Variants in PDCD11 observed in about 807,000 individuals in gnomAD.
The protein encoded by PDCD11 is programmed cell death 11.
PDCD11 carries 97 observed loss-of-function variants against 198.9 expected under a neutral mutation model. The observed-to-expected ratio is 0.49, with a 90% CI of 0.41 to 0.58. PDCD11 has a LOEUF of 0.58. Among genes scored for constraint, PDCD11 ranks in the 20% least tolerant of loss-of-function variants. The pLI is 0.00. For missense variants in PDCD11, 2,102 were observed against 2,312.7 expected, an observed-to-expected ratio of 0.91 and a Z score of 1.87; for synonymous variants, 893 against 918.0, an observed-to-expected ratio of 0.97 and a Z score of 0.49.
chr10:103,397,385 C>T (rs1312207647), intron 1 of PDCD11, among the ~76,000 whole-genome samples: 1 of 152,100 alleles, frequency 6.6e-6, no homozygotes, highest in Non-Finnish European at 1.5e-5. Flanking sequence ...TCTGACTTGC[C>T]AAAGCAAACT....
chr10:103,425,221 A>C lies in PDCD11; in HGVS notation c.3001A>C (p.Arg1001=). The C allele has an allele frequency of 6.2e-7, 1 of 1,614,190 alleles. No homozygotes were observed. The highest frequency in any genetic ancestry group is 1.1e-5 in the South Asian group (1 of 91,078). Residue 1001 remains arginine, a synonymous_variant, in exon 20 of 36, where the codon AGG becomes CGG. Transcript: ENST00000369797. Reference sequence around the variant, plus strand: ...GGCTGTGGAGGGGCCGGCTGCCAAGAGGACCATGAGGCCGACCCAGAAGGA... The same window carrying C: ...GGCTGTGGAGGGGCCGGCTGCCAAGCGGACCATGAGGCCGACCCAGAAGGA... ...LLAVEGPAAK[R]TMRPTQKDSE...
intron 25 of PDCD11, among the ~76,000 whole-genome samples, chr10:103,436,916 T>A (rs186899068): frequency 6.6e-6 from 1 of 152,298 alleles, no homozygotes; most frequent in Non-Finnish European, 1.5e-5. Flanking sequence ...AGATGAAATG[T>A]TTAGAGATGC....
At position 103,403,175 on chromosome 10, in the gene PDCD11, C is replaced by G. The variant is rs754344981; in HGVS notation, c.292C>G (p.Leu98Val). ...CGTGAAAGAGGTGAATGAACTGGAA[C>G]TGGTGATTAGTCTCCCCAATGGCCT... ...GCVKEVNELE[L>V]VISLPNGLQG... Residue 98 changes from leucine (L) to valine (V), a missense_variant, in exon 4 of 36, where the codon CTG becomes GTG. Coordinates refer to ENST00000369797, the MANE Select transcript of PDCD11 (RefSeq NM_014976.2). 1 of 1,613,988 alleles carries G rather than the reference C, an allele frequency of 6.2e-7. No homozygotes were observed. Among genetic ancestry groups the G allele is most frequent in the Non-Finnish European group, 8.5e-7 (1 of 1,179,958 alleles).
rs1592141834 is a variant in PDCD11 at position 103,440,400 on chromosome 10, G to A, written c.4259G>A (p.Arg1420Lys). Residue 1420 changes from arginine (R) to lysine (K), a missense_variant, in exon 29 of 36, where the codon AGG becomes AAG. Physicochemically the swap from Arg to Lys is conservative, Grantham distance 26. Transcript: ENST00000369797. ...GGGCAACTTACAAAGCAAGAGGAGA[G>A]GAAAACAGAGGCTGAGGAGAGAGAC... ...LEGQLTKQEE[R>K]KTEAEERDQK... 1 of 1,614,212 alleles carries A rather than the reference G, an allele frequency of 6.2e-7. No homozygotes were observed. Among genetic ancestry groups the A allele is most frequent in the Non-Finnish European group, 8.5e-7 (1 of 1,180,040 alleles).
intron 19 of PDCD11, among the ~76,000 whole-genome samples, chr10:103,423,898 G>T (rs2031569010): frequency 1.3e-5 from 2 of 152,200 alleles, no homozygotes; most frequent in Non-Finnish European, 2.9e-5. Flanking sequence ...GATAAATAGT[G>T]TGCAGGAGTG....
rs777498387 is a variant in PDCD11, at chr10:103,400,472, G to C, written c.178G>C (p.Glu60Gln). 1 of 1,613,892 alleles carries C rather than the reference G, an allele frequency of 6.2e-7. No homozygotes were observed. Among genetic ancestry groups the C allele is most frequent in the African/African-American group, 1.3e-5 (1 of 75,002 alleles). The change falls in exon 3 of 36, where the codon GAA (glutamate) becomes CAA (glutamine). Residue 60 changes from glutamate to glutamine, a missense_variant. Transcript: ENST00000369797. ...GPAKTKKLKI[E>Q]KRESSKSARE... ...AGCAAAAACAAAAAAGTTGAAAATC[G>C]AAAAGAGAGAAAGCAGCAAGTCCGC...
chr10:103,408,272 CTAG>C (rs2030582625), intron 7 of PDCD11, among the ~76,000 whole-genome samples: 1 of 151,944 alleles, frequency 6.6e-6, no homozygotes, highest in Admixed American at 6.6e-5. Context: ...AGCCGGTATC[CTAG>C]GACTTCCCTT....
At chr10:103,439,896 C>CT (rs750190174) in intron 28 of PDCD11, 28 bp downstream of exon 28, 1 of 1,611,496 alleles carries the variant, frequency 6.2e-7, no homozygotes, top group South Asian at 1.1e-5. Flanking sequence ...CTCTCTCTCT[C>CT]TGTAATGTGA....
chr10:103,427,100 C>A (rs1043060366), intron 20 of PDCD11, among the ~76,000 whole-genome samples: 1 of 150,336 alleles, frequency 6.7e-6, no homozygotes, highest in African/African-American at 2.5e-5. Flanking sequence ...CAGAGTGAGA[C>A]CTTGTCCCAG....
Position 103,440,317 on chromosome 10 carries a change from G to C in PDCD11, c.4176G>C (p.Glu1392Asp). Residue 1392 changes from glutamate to aspartate, a missense_variant, in exon 29 of 36, where the codon GAG becomes GAC. By Grantham distance (45) the Glu-to-Asp change is conservative. Coordinates refer to ENST00000369797, the MANE Select transcript of PDCD11 (RefSeq NM_014976.2). Reference protein sequence around the residue: ...LRLNHQKNLVELSFLPGDTGK... With the variant: ...LRLNHQKNLVDLSFLPGDTGK... ...TTAACCACCAGAAGAACCTGGTAGA[G>C]CTGTCTTTCCTCCCCGGAGACACTG... 6.2e-7 allele frequency: 1 copy of C among 1,614,032 alleles called. No homozygotes were observed. The highest frequency in any genetic ancestry group is 8.5e-7 in the Non-Finnish European group (1 of 1,179,962).
chr10:103,432,093 A>T (rs755991980), intron 21 of PDCD11, 36 bp from the exon 22 acceptor site: 2 of 1,491,188 alleles, frequency 1.3e-6, no homozygotes, highest in Non-Finnish European at 1.9e-6. Context: ...TTATCCAGAG[A>T]TGGGTTTACT....
Position 103,423,570 on chromosome 10 carries a change from A to G in PDCD11, c.2675A>G (p.Lys892Arg). 6.2e-7 allele frequency: 1 copy of G among 1,613,966 alleles called. No individual in the cohort carries two copies. The change falls in exon 19 of 36, where the codon AAG becomes AGG. Residue 892 changes from lysine (K) to arginine (R), a missense_variant. Transcript: ENST00000369797. ...AGQEVESGQK[K>R]KVVILNVDLL... ...CAGGAGGTGGAATCTGGGCAGAAAA[A>G]GAAGGTTGTTATCTTAAATGTTGAT...
chr10:103,405,056 G>A lies in PDCD11; in HGVS notation c.437G>A (p.Gly146Glu), dbSNP rs750107993. Residue 146 changes from glycine to glutamate, a missense_variant, in exon 5 of 36, where the codon GGA (glycine) becomes GAA (glutamate). Coordinates refer to ENST00000369797, the MANE Select transcript of PDCD11 (RefSeq NM_014976.2). Reference protein sequence around the residue: ...LLHLPELFSPGMLVRCVVSSL... With the variant: ...LLHLPELFSPEMLVRCVVSSL... Reference sequence around the variant, plus strand: ...CACTTGCCTGAACTTTTCTCACCTGGAATGCTGGTAAGATGTGTGGTGAGC... The same window carrying A: ...CACTTGCCTGAACTTTTCTCACCTGAAATGCTGGTAAGATGTGTGGTGAGC... 6.2e-7 allele frequency: 1 copy of A among 1,614,044 alleles called. No individual in the cohort carries two copies. The highest frequency in any genetic ancestry group is 8.5e-7 in the Non-Finnish European group (1 of 1,179,950).
chr10:103,409,709 T>C lies in PDCD11; in HGVS notation c.881T>C (p.Phe294Ser), dbSNP rs1187868078. 1.4e-5 allele frequency: 22 copies of C among 1,613,374 alleles called. No individual in the cohort carries two copies. The highest frequency in any genetic ancestry group is 1.7e-5 in the Non-Finnish European group (20 of 1,179,372). Residue 294 changes from phenylalanine to serine, a missense_variant, in exon 8 of 36, where the codon TTT becomes TCT. By Grantham distance (155) the Phe-to-Ser change is radical. Transcript: ENST00000369797. The stretch of plus-strand genomic sequence containing the variant: ...TCTGTTTATTTCTAGGTGACTCCAT[T>C]TGGCCTTACGCTAAACTTCCTCACA... ...VKAQVQKVTP[F>S]GLTLNFLTFF...
intron 15 of PDCD11, 78 bp from the exon 16 acceptor site, chr10:103,419,460 C>T (rs2031299732): frequency 6.7e-7 from 1 of 1,491,092 alleles, no homozygotes; most frequent in African/African-American, 1.4e-5. Context: ...TTCTGTCCTT[C>T]TCTGTGGAGA....
chr10:103,432,173 G>T lies in PDCD11; in HGVS notation c.3413G>T (p.Ser1138Ile). ...GHTALNTHSV[S>I]PMEKIKQYQA... ...ACTGCTCTTAACACTCACTCTGTTAGCCCCATGGAGAAGATTAAACAGTAC... is the reference window on the plus strand; with the variant it reads ...ACTGCTCTTAACACTCACTCTGTTATCCCCATGGAGAAGATTAAACAGTAC... The change falls in exon 22 of 36, where the codon AGC (serine) becomes ATC (isoleucine). Residue 1138 changes from serine to isoleucine, a missense_variant. By Grantham distance (142) the Ser-to-Ile change is moderately radical. Transcript: ENST00000369797. 6.2e-7 allele frequency: 1 copy of T among 1,614,120 alleles called. No homozygotes were observed. The highest frequency in any genetic ancestry group is 1.1e-5 in the South Asian group (1 of 91,088).
chr10:103,420,819 T>C (rs2031378240), intron 16 of PDCD11, among the ~76,000 whole-genome samples: 1 of 151,970 alleles, frequency 6.6e-6, no homozygotes, highest in Non-Finnish European at 1.5e-5. Flanking sequence ...TGTGCCTTCT[T>C]GACTGGGTGC....
At chr10:103,403,734 A>T (rs906919296) in intron 4 of PDCD11, among the ~76,000 whole-genome samples, 1 of 151,156 alleles carries the variant, frequency 6.6e-6, no homozygotes, top group Non-Finnish European at 1.5e-5. Flanking sequence ...TTGAAGAGGC[A>T]TGAGAAGTTG....
rs1325657588 is a variant in PDCD11, at chr10:103,418,421, CTT to C, written c.1912-17_1912-16del. On this transcript the variant is annotated splice_polypyrimidine_tract_variant and intron_variant, in intron 14 of 35. Transcript: ENST00000369797. ...TGTTCATGACAAGTGCTATTTTTGT[CTT>C]TCTCTTCCCTGGGTAGTTGGTAGAT... is the stretch of plus-strand genomic sequence containing the variant. 6.2e-7 allele frequency: 1 copy of C among 1,602,530 alleles called. No individual in the cohort carries two copies. Among genetic ancestry groups the C allele is most frequent in the Non-Finnish European group, 8.5e-7 (1 of 1,172,492 alleles).
Sources: gnomAD v4.1 joint callset for allele counts (sites outside exome capture counted in the v4.1 genomes callset) on GRCh38, gnomAD v4.1.1 for gene constraint, MANE v1.5 for transcripts, NCBI Gene and HGNC (gene_info 2026-07-23, HGNC 2026-07-21) for gene names.